SNTG1: variants seen among roughly 807,000 people sequenced by gnomAD.
SNTG1 encodes gamma-1-syntrophin.
In SNTG1, 39 loss-of-function variants were observed where a neutral mutation model predicts 74.7. The ratio of observed to expected loss-of-function variants is 0.52; its 90% CI spans 0.40 to 0.68. The LOEUF is 0.68. SNTG1 is among the 30% of genes least tolerant of loss of function. The pLI, the probability that SNTG1 is intolerant of heterozygous loss-of-function variation, is 0.00. For synonymous variants in SNTG1, 254 were observed against 217.1 expected, an observed-to-expected ratio of 1.17 and a Z score of -1.49; for missense variants, 685 against 609.5, an observed-to-expected ratio of 1.12 and a Z score of -1.30.
At position 50,471,188 on chromosome 8, in the gene SNTG1, G is replaced by C. The variant is rs143965960; in HGVS notation, c.363+20459G>C. 1.5e-3 allele frequency among the ~76,000 whole-genome samples: 231 copies of C among 151,280 alleles called. 2 individuals are homozygous for C. Among genetic ancestry groups the C allele is most frequent in the Middle Eastern group, 0.01 (3 of 290 alleles). On this transcript the variant is annotated intron_variant, in intron 8 of 18. Coordinates refer to ENST00000642720, the MANE Select transcript of SNTG1 (RefSeq NM_018967.5). ...TCAACATCAGTGCCACAGCATAAAT[G>C]TCCAGGTGTCAGCCGTGGTAGAAAC... is the stretch of plus-strand genomic sequence containing the variant.
At chr8:50,642,436 A>G (rs2095079435) in intron 13 of SNTG1, among the ~76,000 whole-genome samples, 2 of 152,158 alleles carry the variant, frequency 1.3e-5, no homozygotes. Context: ...ACTAAAGCCA[A>G]AGATCTGTCA....
intron 8 of SNTG1, among the ~76,000 whole-genome samples, chr8:50,452,242 T>TA (rs1482623381): frequency 6.6e-6 from 1 of 152,240 alleles, no homozygotes; most frequent in Non-Finnish European, 1.5e-5. Context: ...CAAGTTCATG[T>TA]AAAATATACA....
At chr8:50,697,647 C>T (rs10101076) in intron 15 of SNTG1, among the ~76,000 whole-genome samples, 88,066 of 151,864 alleles carry the variant, frequency 0.58, 27,848 homozygotes, top group Non-Finnish European at 0.69. Context: ...TCTTATGAAG[C>T]GATGTTGAAT....
intron 8 of SNTG1, among the ~76,000 whole-genome samples, chr8:50,483,744 T>C (rs539581315): frequency 2.0e-5 from 3 of 152,388 alleles, no homozygotes; most frequent in Admixed American, 2.0e-4. Flanking sequence ...AACAAATATT[T>C]AGCAACTGTA....
At chr8:50,144,794 T>C (rs540254267) in intron 1 of SNTG1, among the ~76,000 whole-genome samples, 66 of 152,244 alleles carry the variant, frequency 4.3e-4, no homozygotes, top group South Asian at 3.5e-3. Flanking sequence ...CACAGAGCAT[T>C]TTTTATATAA....
At chr8:50,136,227 T>G (rs895433029) in intron 1 of SNTG1, among the ~76,000 whole-genome samples, 1 of 152,170 alleles carries the variant, frequency 6.6e-6, no homozygotes, top group African/African-American at 2.4e-5. Flanking sequence ...TGTGTGCATG[T>G]GTCTCTATGG....
At chr8:50,423,962 G>T (rs568841063) in intron 4 of SNTG1, among the ~76,000 whole-genome samples, 202 of 152,278 alleles carry the variant, frequency 1.3e-3, no homozygotes, top group African/African-American at 4.6e-3. Flanking sequence ...TAAAGTCTTG[G>T]ATATGGGGAT....
chr8:50,124,995 G>A (rs371319018), intron 1 of SNTG1, among the ~76,000 whole-genome samples: 2 of 141,846 alleles, frequency 1.4e-5, no homozygotes, highest in Non-Finnish European at 3.1e-5. Context: ...GTTACTATAA[G>A]ATAGTTACTT....
rs550000348 is a variant in SNTG1, at chr8:49,998,412, T to A, written c.-103+86181T>A. Reference sequence around the variant, plus strand: ...ATAATAAACCTTAGCCTGCTGTAACTTTTTTACTTTATAAACTTAATTTTT... The same window carrying A: ...ATAATAAACCTTAGCCTGCTGTAACATTTTTACTTTATAAACTTAATTTTT... On this transcript the variant is annotated intron_variant, in intron 1 of 18. Transcript: ENST00000642720. Among the ~76,000 whole-genome samples the A allele has an allele frequency of 2.8e-3, 419 of 152,274 alleles. 2 individuals are homozygous for A. The highest frequency in any genetic ancestry group is 9.6e-3 in the African/African-American group (397 of 41,544).
chr8:50,028,817 C>A (rs1419921064), intron 1 of SNTG1, among the ~76,000 whole-genome samples: 1 of 152,056 alleles, frequency 6.6e-6, no homozygotes, highest in Non-Finnish European at 1.5e-5. Flanking sequence ...TTAGCTCTTC[C>A]AATACATTGC....
At chr8:50,694,524 G>A (rs975268234) in intron 15 of SNTG1, among the ~76,000 whole-genome samples, 4 of 152,038 alleles carry the variant, frequency 2.6e-5, no homozygotes, top group Non-Finnish European at 5.9e-5. Flanking sequence ...AAGAACTGAT[G>A]CCAATTTTCT....
chr8:50,246,140 A>G (rs2086388435), intron 2 of SNTG1, among the ~76,000 whole-genome samples: 1 of 151,018 alleles, frequency 6.6e-6, no homozygotes, highest in Non-Finnish European at 1.5e-5. Flanking sequence ...ATGTGAAACT[A>G]TTAATAATGG....
chr8:50,569,611 T>C (rs1315579338), intron 12 of SNTG1, among the ~76,000 whole-genome samples: 1 of 151,776 alleles, frequency 6.6e-6, no homozygotes, highest in Non-Finnish European at 1.5e-5. Flanking sequence ...TGTAGGTGAA[T>C]TGAAAATCAT....
At chr8:50,309,273 T>C (rs2090016296) in intron 2 of SNTG1, among the ~76,000 whole-genome samples, 2 of 152,100 alleles carry the variant, frequency 1.3e-5, no homozygotes, top group African/African-American at 4.8e-5. Context: ...GATTTCATGA[T>C]AAGAGGGAAG....
chr8:49,951,871 C>CGCA (rs1809737319), intron 1 of SNTG1, among the ~76,000 whole-genome samples: 1 of 20,414 alleles, frequency 4.9e-5, no homozygotes, highest in Non-Finnish European at 9.2e-5. Flanking sequence ...CTGGAAAATT[C>CGCA]ACAAAAAAAA....
chr8:50,455,478 TCTAAAAGAACAGA>T (rs1424989593), intron 8 of SNTG1, among the ~76,000 whole-genome samples: 1 of 152,302 alleles, frequency 6.6e-6, no homozygotes, highest in Middle Eastern at 3.4e-3. Context: ...TCTACATAAT[TCTAAAAGAACAGA>T]CTGAGTAACT....
chr8:50,635,658 A>G (rs1242384171), intron 13 of SNTG1, among the ~76,000 whole-genome samples: 1 of 152,032 alleles, frequency 6.6e-6, no homozygotes, highest in Non-Finnish European at 1.5e-5. Context: ...GCTTGTTGAG[A>G]ATGCTGCCAG....
At chr8:50,416,810 C>T (rs2093019633) in intron 4 of SNTG1, among the ~76,000 whole-genome samples, 1 of 151,980 alleles carries the variant, frequency 6.6e-6, no homozygotes, top group South Asian at 2.1e-4. Flanking sequence ...AGAGTGATAG[C>T]CGTGCTGAAC....
intron 2 of SNTG1, among the ~76,000 whole-genome samples, chr8:50,202,483 G>A (rs1239727543): frequency 1.3e-5 from 2 of 152,160 alleles, no homozygotes; most frequent in South Asian, 4.1e-4. Context: ...CTTTCACTTA[G>A]CAATGTACAG....
Sources: allele counts gnomAD v4.1 joint callset (sites outside exome capture counted in the v4.1 genomes callset), GRCh38; gene constraint gnomAD v4.1.1; transcripts MANE v1.5; gene names NCBI Gene and HGNC (gene_info 2026-07-23, HGNC 2026-07-21).